HMCN1: variants seen among roughly 807,000 people sequenced by gnomAD.
The protein encoded by HMCN1 is hemicentin 1, also known as hemicentin-1.
HMCN1 carries 321 observed loss-of-function variants against 625.9 expected under a neutral mutation model. The observed-to-expected ratio is 0.51, with a 90% CI of 0.47 to 0.56. The LOEUF is 0.56. Ranked by LOEUF, HMCN1 falls within the 20% of genes least tolerant of loss-of-function variation. The pLI is 0.00. For missense variants in HMCN1, 6,588 were observed against 6,887.3 expected (o/e 0.96, Z 1.54); for synonymous variants, 2,425 against 2,417.6 (o/e 1.00, Z -0.09).
chr1:185,783,160 C>A (rs945937711), intron 1 of HMCN1, among the ~76,000 whole-genome samples: 3 of 152,116 alleles, frequency 2.0e-5, no homozygotes, highest in African/African-American at 7.2e-5. Context: ...CTTGTGCATT[C>A]GTCACGTAGT....
At position 185,984,160 on chromosome 1, in the gene HMCN1, T is replaced by C. The variant is rs780685435; in HGVS notation, c.2791-9T>C. 16 of 1,609,470 alleles carry C rather than the reference T, an allele frequency of 9.9e-6. No individual in the cohort carries two copies. In the East Asian group the frequency reaches 2.5e-4, roughly 25 times the overall value. ...TTTAAATAAAAATTACCTTTTTTTT[T>C]CCTTTAAGTTGCTCCAAAATCCTTA... On this transcript the variant is annotated splice_polypyrimidine_tract_variant and intron_variant, in intron 18 of 106. Coordinates refer to ENST00000271588, the MANE Select transcript of HMCN1 (RefSeq NM_031935.3).
intron 106 of HMCN1, among the ~76,000 whole-genome samples, chr1:186,188,948 A>G (rs568938147): frequency 1.3e-5 from 2 of 152,264 alleles, no homozygotes; most frequent in African/African-American, 4.8e-5. Context: ...AGTCATCATG[A>G]CTCAAAAAGC....
chr1:186,018,198 C>T lies in HMCN1; in HGVS notation c.5316C>T (p.Gly1772=). Residue 1772 remains glycine (G), a synonymous_variant, in exon 34 of 107, where the codon GGC becomes GGT. Coordinates refer to ENST00000271588, the MANE Select transcript of HMCN1 (RefSeq NM_031935.3). ...PPPTIMWLKD[G]QLIDERDGFK... ...TTTTCTATAGGTGGCTGAAGGATGG[C>T]CAGTTAATTGATGAAAGGGATGGAT... 1.9e-6 allele frequency: 3 copies of T among 1,612,272 alleles called. No homozygotes were observed. The highest frequency in any genetic ancestry group is 2.5e-6 in the Non-Finnish European group (3 of 1,178,650).
At chr1:185,991,250 A>T (rs1652402980) in intron 22 of HMCN1, among the ~76,000 whole-genome samples, 1 of 152,212 alleles carries the variant, frequency 6.6e-6, no homozygotes, top group African/African-American at 2.4e-5. Flanking sequence ...AATTCATGCT[A>T]GTGTCATTTC....
intron 4 of HMCN1, among the ~76,000 whole-genome samples, chr1:185,869,467 G>T (rs1021291144): frequency 3.9e-5 from 6 of 152,004 alleles, no homozygotes; most frequent in African/African-American, 1.5e-4. Context: ...TTTTAAAGTG[G>T]GGAAAACTGT....
intron 93 of HMCN1, among the ~76,000 whole-genome samples, chr1:186,150,426 T>C (rs1400835558): frequency 1.3e-5 from 2 of 152,208 alleles, no homozygotes; most frequent in African/African-American, 4.8e-5. Context: ...GAGGCCCTTT[T>C]TTAAAAATTT....
In HMCN1 at chr1:186,119,280, G is replaced by A. The variant is rs139870667; in HGVS notation, c.11938G>A (p.Val3980Met). The change falls in exon 78 of 107, where the codon GTG (valine) becomes ATG (methionine). Residue 3980 changes from valine to methionine, a missense_variant. Physicochemically the swap from Val to Met is conservative, Grantham distance 21 (BLOSUM62 1). Around this residue, in one of 3 missense-constraint regions of HMCN1, gnomAD observed 4,628 missense variants for 4,853.1 expected, o/e 0.95. Coordinates refer to ENST00000271588, the MANE Select transcript of HMCN1 (RefSeq NM_031935.3). The part of the protein sequence containing the change: ...RNAAGSAHRH[V>M]TLHVHEPPVI... ...TGCGGCTGGCTCTGCACATCGACAC[G>A]TGACCCTTCATGTTCATGGTATGGA... is the stretch of plus-strand genomic sequence containing the variant. The A allele has an allele frequency of 7.3e-4, 1,172 of 1,613,336 alleles. 9 individuals are homozygous for A. The African/African-American group carries it at 0.012, about 16-fold the overall frequency.
In HMCN1 at chr1:185,734,530, G is replaced by C; in HGVS notation, c.-250G>C. 4.0e-6 allele frequency: 2 copies of C among 498,814 alleles called. No individual in the cohort carries two copies. The highest frequency in any genetic ancestry group is 4.7e-5 in the South Asian group (2 of 42,674). The allele number at this position is 498,814 out of a possible 1,614,324, so 30.9% of individuals were successfully genotyped here. A position where few individuals can be genotyped will look rare whatever the true frequency, so the allele number is the denominator to read the frequency against. ...CCGCCACAGGCTGTCCAGGGCCCGC[G>C]GGCAGATAGCAGTCCAGGAGGAAGC... On this transcript the variant is annotated 5_prime_UTR_variant, in exon 1 of 107. Transcript: ENST00000271588.
chr1:185,832,538 C>T (rs1299910424), intron 1 of HMCN1, among the ~76,000 whole-genome samples: 1 of 151,972 alleles, frequency 6.6e-6, no homozygotes, highest in Non-Finnish European at 1.5e-5. Context: ...ATGGGTTTTT[C>T]CATAAATAAC....
At chr1:185,881,797 G>T (rs1228819687) in intron 4 of HMCN1, among the ~76,000 whole-genome samples, 1 of 152,194 alleles carries the variant, frequency 6.6e-6, no homozygotes, top group Non-Finnish European at 1.5e-5. Context: ...ATTTTCAGGT[G>T]AAGCTTCAAA....
intron 104 of HMCN1, among the ~76,000 whole-genome samples, chr1:186,179,504 T>C (rs764590985): frequency 6.6e-6 from 1 of 152,180 alleles, no homozygotes; most frequent in African/African-American, 2.4e-5. Context: ...CATCTACAAT[T>C]AGCATGTCAT....
chr1:186,148,353 T>C (rs1345605334), intron 93 of HMCN1, among the ~76,000 whole-genome samples: 2 of 152,196 alleles, frequency 1.3e-5, no homozygotes, highest in Non-Finnish European at 2.9e-5. Context: ...GGGAATCAAC[T>C]TCCAATATCC....
chr1:186,146,955 A>T (rs1391827570), intron 93 of HMCN1, among the ~76,000 whole-genome samples: 1 of 152,224 alleles, frequency 6.6e-6, no homozygotes, highest in Non-Finnish European at 1.5e-5. Context: ...CTAGAGAACC[A>T]GGGTCAAAAT....
At chr1:185,917,309 T>G (rs552119983) in intron 6 of HMCN1, among the ~76,000 whole-genome samples, 9 of 152,274 alleles carry the variant, frequency 5.9e-5, no homozygotes, top group African/African-American at 2.2e-4. Context: ...TGCCATAGGG[T>G]GCAAATCTAC....
At chr1:185,772,165 C>T (rs1452951844) in intron 1 of HMCN1, among the ~76,000 whole-genome samples, 8 of 151,962 alleles carry the variant, frequency 5.3e-5, no homozygotes, top group Non-Finnish European at 1.2e-4. Context: ...GCCATAGCAG[C>T]GGGCAAGAGA....
At chr1:185,774,779 G>A (rs1345193834) in intron 1 of HMCN1, among the ~76,000 whole-genome samples, 3 of 152,132 alleles carry the variant, frequency 2.0e-5, no homozygotes, top group Non-Finnish European at 4.4e-5. Flanking sequence ...AAATTGTTGA[G>A]CATCACATTG....
intron 100 of HMCN1, 72 bp from the exon 101 acceptor site, chr1:186,171,265 A>C: frequency 1.8e-6 from 2 of 1,082,336 alleles, no homozygotes; most frequent in Admixed American, 1.7e-5. Flanking sequence ...CAAGATCATT[A>C]AAATGTTAAA....
At chr1:185,959,524 G>T (rs1176141802) in intron 11 of HMCN1, among the ~76,000 whole-genome samples, 1 of 152,032 alleles carries the variant, frequency 6.6e-6, no homozygotes, top group African/African-American at 2.4e-5. Flanking sequence ...TTTCGCTTTT[G>T]TTATAATTAA....
intron 11 of HMCN1, among the ~76,000 whole-genome samples, chr1:185,940,412 T>C (rs1668022468): frequency 6.6e-6 from 1 of 152,246 alleles, no homozygotes; most frequent in Non-Finnish European, 1.5e-5. Context: ...ATGAATAATC[T>C]ATGAACTGCT....
Sources: allele counts gnomAD v4.1 joint callset (sites outside exome capture counted in the v4.1 genomes callset), GRCh38; gene constraint gnomAD v4.1.1; regional missense constraint gnomAD v4.1.1; transcripts MANE v1.5; gene names NCBI Gene and HGNC (gene_info 2026-07-23, HGNC 2026-07-21).